The following ADH6 variants were observed in gnomAD, a reference collection of about 807,000 sequenced individuals.
ADH6 encodes alcohol dehydrogenase 6.
A neutral mutation model predicts 36.5 loss-of-function variants in ADH6; 34 were observed. The observed-to-expected ratio is 0.93, with a 90% CI of 0.71 to 1.24. The LOEUF (loss-of-function observed/expected upper bound fraction) is 1.24. Ranked by LOEUF, ADH6 falls within the 50% of genes most tolerant of loss-of-function variation. The pLI, the probability that ADH6 is intolerant of heterozygous loss-of-function variation, is 0.00. For synonymous variants in ADH6, 161 were observed against 155.5 expected (o/e 1.04, Z -0.26); for missense variants, 440 against 447.0 (o/e 0.98, Z 0.14).
chr4:99,204,845 C>T (rs1730961034), intron 8 of ADH6, 80 bp downstream of exon 8: 4 of 1,500,016 alleles, frequency 2.7e-6, no homozygotes, highest in Non-Finnish European at 3.5e-6. Flanking sequence ...GCAGGGACGA[C>T]CCTTCTTCTA....
chr4:99,204,911 T>C lies in ADH6; in HGVS notation c.1103+14A>G, dbSNP rs757483762. 1 of 1,599,482 alleles carries C rather than the reference T, an allele frequency of 6.3e-7. No homozygotes were observed. Among genetic ancestry groups the C allele is most frequent in the Non-Finnish European group, 8.5e-7 (1 of 1,173,378 alleles). ...CTCAAACACACAGACATAAAATTTATGTGGGCAGTTTACCATTTTCCAGTT... is the reference window on the plus strand; with the variant it reads ...CTCAAACACACAGACATAAAATTTACGTGGGCAGTTTACCATTTTCCAGTT... On this transcript the variant is annotated intron_variant, in intron 8 of 8. Transcript: ENST00000394899.
intron 5 of ADH6, 35 bp downstream of exon 5, chr4:99,210,047 T>C: frequency 1.2e-6 from 2 of 1,600,346 alleles, no homozygotes; most frequent in Non-Finnish European, 1.7e-6. Flanking sequence ...CATATCCCAA[T>C]AATTCCCTTC....
chr4:99,208,512 T>A, intron 6 of ADH6, 156 bp downstream of exon 6: 3 of 762,182 alleles, frequency 3.9e-6, no homozygotes, highest in African/African-American at 3.5e-5. Flanking sequence ...TGAACAAATT[T>A]GTAAGAGTAC....
chr4:99,213,810 T>C, intron 2 of ADH6, 63 bp from the exon 3 acceptor site: 1 of 1,415,600 alleles, frequency 7.1e-7, no homozygotes, highest in Non-Finnish European at 9.3e-7. Flanking sequence ...TTTAGAGTTG[T>C]TGACTGTAAG....
intron 2 of ADH6, 51 bp from the exon 3 acceptor site, chr4:99,213,798 G>A: frequency 6.8e-7 from 1 of 1,466,180 alleles, no homozygotes; most frequent in Admixed American, 2.3e-5. Context: ...AGATAATGGT[G>A]TTTTAGAGTT....
chr4:99,213,849 T>C (rs1731312072), intron 2 of ADH6, 102 bp from the exon 3 acceptor site: 2 of 998,106 alleles, frequency 2.0e-6, no homozygotes, highest in Non-Finnish European at 2.8e-6. Context: ...ATTCTCCATT[T>C]ATACACTGCA....
In ADH6 at chr4:99,204,240, G is replaced by A; in HGVS notation, c.1107C>T (p.Ile369=). 6.2e-7 allele frequency: 1 copy of A among 1,600,304 alleles called. No individual in the cohort carries two copies. The highest frequency in any genetic ancestry group is 8.5e-7 in the Non-Finnish European group (1 of 1,178,044). The part of the protein sequence containing the change: ...AVELMKTGKC[I]RCILLL ...GTACTTAAAGTAACAGGATACAGCG[G>A]ATACTGAAAAAAAGAAGAAGAGAAA... Residue 369 remains isoleucine, a synonymous_variant, in exon 9 of 9, where the codon ATC becomes ATT. Transcript: ENST00000394899.
intron 3 of ADH6, 22 bp downstream of exon 3, chr4:99,213,584 A>G (rs574416041): frequency 4.4e-6 from 7 of 1,578,652 alleles, no homozygotes; most frequent in African/African-American, 4.1e-5. Context: ...GCTGTTTCCT[A>G]TTACCAGGTG....
intron 7 of ADH6, among the ~76,000 whole-genome samples, chr4:99,205,747 T>A (rs1435807824): frequency 2.6e-5 from 4 of 152,114 alleles, no homozygotes; most frequent in African/African-American, 9.7e-5. Context: ...CCACACAGAC[T>A]TTGGCAGTCT....
At chr4:99,209,672 T>C (rs1056099212) in intron 5 of ADH6, among the ~76,000 whole-genome samples, 5 of 152,164 alleles carry the variant, frequency 3.3e-5, no homozygotes, top group African/African-American at 1.2e-4. Flanking sequence ...ACCTAATATA[T>C]CATGCAATAT....
intron 7 of ADH6, among the ~76,000 whole-genome samples, chr4:99,206,064 T>C (rs1285637147): frequency 6.6e-6 from 1 of 152,198 alleles, no homozygotes; most frequent in African/African-American, 2.4e-5. Context: ...GGTGATCTGA[T>C]AAAACATTTT....
In ADH6 at chr4:99,205,095, CAT is replaced by C. The variant is rs367652009; in HGVS notation, c.965-34_965-33del. ...ATACAGATTAATGATGAATTTTACA[CAT>C]GAGGCTTCATTATAAAGGAAAGGTC... is the stretch of plus-strand genomic sequence containing the variant. On this transcript the variant is annotated intron_variant, in intron 7 of 8. Coordinates refer to ENST00000394899, the MANE Select transcript of ADH6 (RefSeq NM_001102470.2). 2.9e-4 allele frequency: 449 copies of C among 1,531,348 alleles called. 3 individuals are homozygous for C. The East Asian group carries it at 5.6e-3, about 19-fold the overall frequency. 94.9% of individuals were successfully genotyped at this position (1,531,348 alleles called of 1,614,324 possible). A position where few individuals can be genotyped will look rare whatever the true frequency, so the allele number is the denominator to read the frequency against.
chr4:99,207,864 T>G (rs1474577183), intron 6 of ADH6, among the ~76,000 whole-genome samples: 11 of 152,020 alleles, frequency 7.2e-5, no homozygotes, highest in Non-Finnish European at 1.5e-5. Context: ...ATAAAAATAA[T>G]TTTTATAAAA....
At chr4:99,204,441 C>A (rs1341169044) in intron 8 of ADH6, 198 bp from the exon 9 acceptor site, 13 of 1,389,312 alleles carry the variant, frequency 9.4e-6, no homozygotes, top group Non-Finnish European at 1.2e-5. Flanking sequence ...GGTAAGCAAG[C>A]TTATACTCGT....
Position 99,202,981 on chromosome 4 carries a change from G to A in ADH6, c.*1238C>T, listed in dbSNP as rs1378931467. On this transcript the variant is annotated 3_prime_UTR_variant, in exon 9 of 9. Coordinates refer to ENST00000394899, the MANE Select transcript of ADH6 (RefSeq NM_001102470.2). The stretch of plus-strand genomic sequence containing the variant: ...ATGCCCAACTCATAAGAATCAGACT[G>A]TTATGAGAGTCCTTTGATATCATGT... The A allele has an allele frequency of 5.1e-6, 2 of 393,714 alleles. No individual in the cohort carries two copies. Among genetic ancestry groups the A allele is most frequent in the Admixed American group, 4.4e-5 (1 of 22,606 alleles). The allele number at this position is 393,714 out of a possible 1,614,324, so 24.4% of individuals were successfully genotyped here.
At position 99,210,414 on chromosome 4, in the gene ADH6, CT is replaced by C. The variant is rs1471325921; in HGVS notation, c.350del (p.Lys117AsnfsTer7). The C allele has an allele frequency of 6.2e-6, 10 of 1,606,654 alleles. No individual in the cohort carries two copies. The Admixed American group carries it at 1.7e-4, about 27-fold the overall frequency. On this transcript the variant is annotated frameshift_variant and splice_region_variant, in exon 4 of 9. Coordinates refer to ENST00000394899, the MANE Select transcript of ADH6 (RefSeq NM_001102470.2). LOFTEE classifies it high-confidence loss of function. Reference protein sequence around the residue: ...NSEGNFCIQFKQSKTQLMSDG... With the variant: ...NSEGNFCIQFXQSKTQLMSDG... ...AAAAGAAAATATTAGTAAAAACTTA[CT>C]TGAATTGTATACAAAAATTGCCCTC...
intron 8 of ADH6, 108 bp from the exon 9 acceptor site, chr4:99,204,351 C>A: frequency 6.7e-7 from 1 of 1,485,348 alleles, no homozygotes; most frequent in African/African-American, 1.4e-5. Flanking sequence ...TTTTTTTTCT[C>A]TTTAGGTGAA....
Position 99,208,884 on chromosome 4 carries a change from G to A in ADH6, c.612C>T (p.Val204=), listed in dbSNP as rs376249554. 15 of 1,613,618 alleles carry A rather than the reference G, an allele frequency of 9.3e-6. No homozygotes were observed. The highest frequency in any genetic ancestry group is 4.4e-5 in the South Asian group (4 of 91,060). ...TACAACCCATGACAACAGACAAGCCGACTCCTCCCAGGCCAAACACAGCAC... is the reference window on the plus strand; with the variant it reads ...TACAACCCATGACAACAGACAAGCCAACTCCTCCCAGGCCAAACACAGCAC... ...STCAVFGLGG[V]GLSVVMGCKA... The change falls in exon 6 of 9, where the codon GTC becomes GTT. Residue 204 remains valine, a synonymous_variant. Coordinates refer to ENST00000394899, the MANE Select transcript of ADH6 (RefSeq NM_001102470.2).
chr4:99,208,814 C>G lies in ADH6; in HGVS notation c.682G>C (p.Glu228Gln). 1.2e-6 allele frequency: 2 copies of G among 1,613,840 alleles called. No homozygotes were observed. Among genetic ancestry groups the G allele is most frequent in the Non-Finnish European group, 1.7e-6 (2 of 1,179,824 alleles). Reference protein sequence around the residue: ...ARIIGVDVNKEKFKKAQELGA... With the variant: ...ARIIGVDVNKQKFKKAQELGA... ...AATTCCTGTGCCTTCTTAAATTTCT[C>G]CTTGTTGACATCCACTCCAATGATC... Residue 228 changes from glutamate to glutamine, a missense_variant, in exon 6 of 9, where the codon GAG becomes CAG. Coordinates refer to ENST00000394899, the MANE Select transcript of ADH6 (RefSeq NM_001102470.2).
Sources: allele counts gnomAD v4.1 joint callset (sites outside exome capture counted in the v4.1 genomes callset), GRCh38; gene constraint gnomAD v4.1.1; transcripts MANE v1.5; gene names NCBI Gene and HGNC (gene_info 2026-07-23, HGNC 2026-07-21).